The following PAQR7 variants were observed in gnomAD, a reference collection of about 807,000 sequenced individuals.
PAQR7 encodes membrane progestin receptor alpha.
Under a neutral mutation model 24.6 loss-of-function variants are expected in PAQR7, and 14 were observed. The observed-to-expected ratio is 0.57, with a 90% CI of 0.38 to 0.89. PAQR7 has a LOEUF of 0.89. PAQR7 is among the 40% of genes least tolerant of loss of function. The pLI, the probability that PAQR7 is intolerant of heterozygous loss-of-function variation, is 0.00. For missense variants in PAQR7, 351 were observed against 444.0 expected, an observed-to-expected ratio of 0.79 and a Z score of 1.88; for synonymous variants, 189 against 198.8, an observed-to-expected ratio of 0.95 and a Z score of 0.42.
Position 25,867,805 on chromosome 1 carries a change from A to G in PAQR7, c.-23+2804T>C, listed in dbSNP as rs184091949. On this transcript the variant is annotated intron_variant, in intron 2 of 2. Coordinates refer to ENST00000675840, the MANE Select transcript of PAQR7 (RefSeq NM_178422.6). ...ATTTGCATTCCTAAGCTCCTCCTGC[A>G]TTAGGATTCTGGCATCAGCCCTGCT... Among the ~76,000 whole-genome samples the G allele has an allele frequency of 5.9e-5, 9 of 152,334 alleles. No homozygotes were observed. The East Asian group carries it at 1.7e-3, about 29-fold the overall frequency.
chr1:25,872,351 C>T (rs2048612826), intron 1 of PAQR7, among the ~76,000 whole-genome samples: 1 of 152,128 alleles, frequency 6.6e-6, no homozygotes, highest in Non-Finnish European at 1.5e-5. Context: ...TCACCAGTGA[C>T]TTCCAAGGGC....
In PAQR7 at chr1:25,861,850, AC is replaced by A. The variant is rs1338604055; in HGVS notation, c.*948del. Reference sequence around the variant, plus strand: ...ACCAACATGGAGAAACCCCGTCTCTACTAAAAATACAGAAAATTAGCCAGGC... The same window carrying A: ...ACCAACATGGAGAAACCCCGTCTCTATAAAAATACAGAAAATTAGCCAGGC... On this transcript the variant is annotated 3_prime_UTR_variant, in exon 3 of 3. Coordinates refer to ENST00000675840, the MANE Select transcript of PAQR7 (RefSeq NM_178422.6). The A allele has an allele frequency of 6.6e-6, 1 of 151,970 alleles. No individual in the cohort carries two copies. Among genetic ancestry groups the A allele is most frequent in the Non-Finnish European group, 1.5e-5 (1 of 68,054 alleles). The allele number at this position is 151,970 out of a possible 1,614,324, so 9.4% of individuals were successfully genotyped here.
chr1:25,867,563 A>G (rs989580090), intron 2 of PAQR7, among the ~76,000 whole-genome samples: 2 of 152,188 alleles, frequency 1.3e-5, no homozygotes, highest in Admixed American at 1.3e-4. Context: ...CAGGTTCATC[A>G]GATATTTATT....
Position 25,862,521 on chromosome 1 carries a change from G to A in PAQR7, c.*278C>T, listed in dbSNP as rs1163157883. On this transcript the variant is annotated 3_prime_UTR_variant, in exon 3 of 3. Transcript: ENST00000675840. ...CTGACCCCCAGCCTCACCCCAGTGA[G>A]TGGCAGTGGAAGGGCAAGCTGGAGT... 5.0e-6 allele frequency: 2 copies of A among 399,658 alleles called. No individual in the cohort carries two copies. Among genetic ancestry groups the A allele is most frequent in the African/African-American group, 2.0e-5 (1 of 49,454 alleles). The allele number at this position is 399,658 out of a possible 1,614,324, so 24.8% of individuals were successfully genotyped here. A position where few individuals can be genotyped will look rare whatever the true frequency, so the allele number is the denominator to read the frequency against.
At chr1:25,870,481 A>G (rs1231869489) in intron 2 of PAQR7, 128 bp downstream of exon 2, 1 of 152,222 alleles carries the variant, frequency 6.6e-6, no homozygotes, top group African/African-American at 2.4e-5. Context: ...CACCACTCCC[A>G]TAGTGGTGAA....
At position 25,861,978 on chromosome 1, in the gene PAQR7, T is replaced by C. The variant is rs919222360; in HGVS notation, c.*821A>G. 3.0e-5 allele frequency: 4 copies of C among 132,484 alleles called. No homozygotes were observed. The highest frequency in any genetic ancestry group is 1.2e-4 in the African/African-American group (4 of 32,286). 8.2% of individuals were successfully genotyped at this position (132,484 alleles called of 1,614,324 possible). A position where few individuals can be genotyped will look rare whatever the true frequency, so the allele number is the denominator to read the frequency against. On this transcript the variant is annotated 3_prime_UTR_variant, in exon 3 of 3. Coordinates refer to ENST00000675840, the MANE Select transcript of PAQR7 (RefSeq NM_178422.6). ...TGCAGTGAGCCGAGATCGCACCATT[T>C]TACTCCAGCCTAGCCAACAAGAGCG... is the stretch of plus-strand genomic sequence containing the variant.
Position 25,861,974 on chromosome 1 carries a change from C to T in PAQR7, c.*825G>A, listed in dbSNP as rs2048514516. On this transcript the variant is annotated 3_prime_UTR_variant, in exon 3 of 3. Coordinates refer to ENST00000675840, the MANE Select transcript of PAQR7 (RefSeq NM_178422.6). The stretch of plus-strand genomic sequence containing the variant: ...GAGGTGCAGTGAGCCGAGATCGCAC[C>T]ATTTTACTCCAGCCTAGCCAACAAG... 8.0e-6 allele frequency: 1 copy of T among 125,022 alleles called. No homozygotes were observed. Among genetic ancestry groups the T allele is most frequent in the South Asian group, 2.8e-4 (1 of 3,620 alleles). The allele number at this position is 125,022 out of a possible 1,614,324, so 7.7% of individuals were successfully genotyped here. A position where few individuals can be genotyped will look rare whatever the true frequency, so the allele number is the denominator to read the frequency against.
intron 2 of PAQR7, among the ~76,000 whole-genome samples, chr1:25,864,857 CTT>C (rs1287140857): frequency 6.6e-6 from 1 of 151,914 alleles, no homozygotes; most frequent in Admixed American, 6.6e-5. Flanking sequence ...GATCCTGTCT[CTT>C]AAAAAAACAA....
chr1:25,869,108 C>G (rs2048582306), intron 2 of PAQR7, among the ~76,000 whole-genome samples: 1 of 151,880 alleles, frequency 6.6e-6, no homozygotes, highest in South Asian at 2.1e-4. Context: ...GCCTGGGCAA[C>G]AGAGTGAGAC....
chr1:25,869,369 C>T (rs1000777831), intron 2 of PAQR7, among the ~76,000 whole-genome samples: 2 of 152,040 alleles, frequency 1.3e-5, no homozygotes, highest in African/African-American at 2.4e-5. Flanking sequence ...GTCAGGAGTT[C>T]GAGACCAGCC....
chr1:25,863,651 G>GC lies in PAQR7; in HGVS notation c.188dup (p.Thr64HisfsTer69). On this transcript the variant is annotated frameshift_variant, in exon 3 of 3. Transcript: ENST00000675840. LOFTEE classifies it high-confidence loss of function. The surrounding 1 kb of genome is among the most constrained non-coding windows in gnomAD (Gnocchi z 6.1). ...CCTCGTTGTGCTGCTGGAACAGCGT[G>GC]CGGAAATAGAAGCGCCAGGTCTGAT... 6.2e-7 allele frequency: 1 copy of GC among 1,614,204 alleles called. No individual in the cohort carries two copies. Among genetic ancestry groups the GC allele is most frequent in the Non-Finnish European group, 8.5e-7 (1 of 1,180,024 alleles).
Position 25,862,556 on chromosome 1 carries a change from C to A in PAQR7, c.*243G>T. The A allele has an allele frequency of 1.9e-6, 1 of 517,010 alleles. No homozygotes were observed. The highest frequency in any genetic ancestry group is 3.4e-6 in the Non-Finnish European group (1 of 290,078). The allele number at this position is 517,010 out of a possible 1,614,324, so 32.0% of individuals were successfully genotyped here. On this transcript the variant is annotated 3_prime_UTR_variant, in exon 3 of 3. Transcript: ENST00000675840. ...AAGGGCAAGCTGGAGTGGCCCACAC[C>A]GTTAACTCTTTCCCTCTCCCTGGGC... is the stretch of plus-strand genomic sequence containing the variant.
intron 2 of PAQR7, among the ~76,000 whole-genome samples, chr1:25,867,216 T>C (rs2048564450): frequency 1.3e-5 from 2 of 151,836 alleles, no homozygotes; most frequent in Non-Finnish European, 2.9e-5. Context: ...TTTACTTTAT[T>C]ATAGAGTCAG....
intron 1 of PAQR7, chr1:25,871,269 T>G (rs2048603553): frequency 6.6e-6 from 1 of 152,140 alleles, no homozygotes; most frequent in African/African-American, 2.4e-5. Context: ...CCCTGTAAAT[T>G]GGTGCTTACC....
chr1:25,872,856 C>T (rs1272710325), intron 1 of PAQR7, among the ~76,000 whole-genome samples: 1 of 152,180 alleles, frequency 6.6e-6, no homozygotes, highest in African/African-American at 2.4e-5. Flanking sequence ...GCTTACAGCT[C>T]AGCTAAATAA....
Position 25,870,675 on chromosome 1 carries a change from A to T in PAQR7, c.-89T>A, listed in dbSNP as rs954789437. 6.6e-6 allele frequency: 1 copy of T among 152,242 alleles called. No individual in the cohort carries two copies. The highest frequency in any genetic ancestry group is 6.5e-5 in the Admixed American group (1 of 15,278). The allele number at this position is 152,242 out of a possible 1,614,324, so 9.4% of individuals were successfully genotyped here. The stretch of plus-strand genomic sequence containing the variant: ...GGGCCTGGTTGATGGTGTCAGGCAA[A>T]CTTCAGTGGTTCCTGTCCACTACTC... On this transcript the variant is annotated 5_prime_UTR_variant, in exon 2 of 3. Transcript: ENST00000675840.
intron 1 of PAQR7, among the ~76,000 whole-genome samples, chr1:25,872,333 G>C (rs758244215): frequency 1.1e-4 from 17 of 152,092 alleles, no homozygotes; most frequent in Non-Finnish European, 2.4e-4. Context: ...TCAAAGGAGA[G>C]AGTAAATTCA....
intron 2 of PAQR7, among the ~76,000 whole-genome samples, chr1:25,864,781 T>C (rs1037463096): frequency 6.6e-6 from 1 of 150,900 alleles, no homozygotes; most frequent in South Asian, 2.1e-4. Context: ...AGCCCAGGAA[T>C]TTGATGTACA....
At chr1:25,867,449 T>C (rs1389519926) in intron 2 of PAQR7, among the ~76,000 whole-genome samples, 1 of 152,242 alleles carries the variant, frequency 6.6e-6, no homozygotes, top group African/African-American at 2.4e-5. Flanking sequence ...CCGTCATTCA[T>C]TGTGTTATTC....
Sources: gnomAD v4.1 joint callset for allele counts (sites outside exome capture counted in the v4.1 genomes callset) on GRCh38, gnomAD v4.1.1 for gene constraint, Gnocchi (gnomAD v3.1) non-coding constraint, MANE v1.5 for transcripts, NCBI Gene and HGNC (gene_info 2026-07-23, HGNC 2026-07-21) for gene names.